The following MAP4K5 variants were observed in gnomAD, a reference collection of about 807,000 sequenced individuals.
MAP4K5 encodes mitogen-activated protein kinase kinase kinase kinase 5.
A neutral mutation model predicts 135.6 loss-of-function variants in MAP4K5; 82 were observed. The observed-to-expected ratio is 0.60, with a 90% confidence interval of 0.51 to 0.73. The LOEUF (loss-of-function observed/expected upper bound fraction) is 0.73, where lower values mean the gene tolerates loss of function less well. Ranked by LOEUF, MAP4K5 falls within the 30% of genes least tolerant of loss-of-function variation. MAP4K5 has a pLI of 0.00. For missense variants in MAP4K5, 907 were observed against 1,010.9 expected (o/e 0.90, Z 1.39); for synonymous variants, 347 against 335.0 (o/e 1.04, Z -0.39).
chr14:50,531,403 A>G (rs993721727), intron 2 of MAP4K5, among the ~76,000 whole-genome samples: 2 of 152,242 alleles, frequency 1.3e-5, no homozygotes, highest in Admixed American at 1.3e-4. Context: ...CAAACGATCA[A>G]ACTTCCACCA....
chr14:50,423,103 A>C lies in MAP4K5; in HGVS notation c.2453+18T>G. 1.5e-6 allele frequency: 2 copies of C among 1,364,726 alleles called. No homozygotes were observed. The highest frequency in any genetic ancestry group is 2.3e-5 in the East Asian group (1 of 43,354). 84.5% of individuals were successfully genotyped at this position (1,364,726 alleles called of 1,614,324 possible). A position where few individuals can be genotyped will look rare whatever the true frequency, so the allele number is the denominator to read the frequency against. On this transcript the variant is annotated intron_variant, in intron 32 of 32. Transcript: ENST00000682126. ...TTGAACTCCTTTGGTAATTAAATTA[A>C]TACAACCAAACTATTACCTGTCTGA...
In MAP4K5 at chr14:50,464,125, G is replaced by A; in HGVS notation, c.746C>T (p.Thr249Ile). ...KLKDKTKWSS[T>I]FHNFVKIALT... ...TGCTATTTTGACAAAATTATGGAAT[G>A]TTGATGACCTTAAAATAAAAAGAGA... is the stretch of plus-strand genomic sequence containing the variant. Residue 249 changes from threonine to isoleucine, a missense_variant, in exon 12 of 33, where the codon ACA becomes ATA. Thr to Ile is a moderately conservative substitution (Grantham distance 89, BLOSUM62 -1). This residue lies in a region of MAP4K5 where 690 missense variants were observed against 777.4 expected (regional missense o/e 0.89). Transcript: ENST00000682126. The A allele has an allele frequency of 6.7e-7, 1 of 1,503,210 alleles. No homozygotes were observed. The highest frequency in any genetic ancestry group is 9.1e-7 in the Non-Finnish European group (1 of 1,104,426). The allele number at this position is 1,503,210 out of a possible 1,614,324, so 93.1% of individuals were successfully genotyped here. A position where few individuals can be genotyped will look rare whatever the true frequency, so the allele number is the denominator to read the frequency against.
intron 9 of MAP4K5, among the ~76,000 whole-genome samples, chr14:50,469,871 C>G (rs2036917524): frequency 6.6e-6 from 1 of 152,056 alleles, no homozygotes; most frequent in East Asian, 1.9e-4. Flanking sequence ...ATTGAATATC[C>G]ACAAGGTACA....
In MAP4K5 at chr14:50,443,783, T is replaced by C; in HGVS notation, c.1438-13A>G. On this transcript the variant is annotated splice_polypyrimidine_tract_variant and intron_variant, in intron 19 of 32. Transcript: ENST00000682126. ...TGATGGCTGGTTTCTATGGGAAAAA[T>C]AAAATTTACTAGTGTAAGACCTCCT... 1.3e-6 allele frequency: 2 copies of C among 1,593,572 alleles called. No homozygotes were observed. The highest frequency in any genetic ancestry group is 1.7e-6 in the Non-Finnish European group (2 of 1,172,976).
At position 50,486,205 on chromosome 14, in the gene MAP4K5, A is replaced by G; in HGVS notation, c.167-11T>C. 1 of 935,032 alleles carries G rather than the reference A, an allele frequency of 1.1e-6. No homozygotes were observed. 57.9% of individuals were successfully genotyped at this position (935,032 alleles called of 1,614,324 possible). A position where few individuals can be genotyped will look rare whatever the true frequency, so the allele number is the denominator to read the frequency against. ...AAGAAAAATCATCTCCTGGAAAACAAAATAAGTTGTTTATCATGTTACTCA... is the reference window on the plus strand; with the variant it reads ...AAGAAAAATCATCTCCTGGAAAACAGAATAAGTTGTTTATCATGTTACTCA... On this transcript the variant is annotated splice_polypyrimidine_tract_variant and intron_variant, in intron 3 of 32. Coordinates refer to ENST00000682126, the MANE Select transcript of MAP4K5 (RefSeq NM_006575.6).
chr14:50,479,823 C>T (rs192321288), intron 6 of MAP4K5, among the ~76,000 whole-genome samples: 9 of 152,264 alleles, frequency 5.9e-5, no homozygotes, highest in Non-Finnish European at 1.0e-4. Flanking sequence ...CAATACTCTA[C>T]CTTAAATACT....
chr14:50,483,816 T>C (rs2037305067), intron 5 of MAP4K5, among the ~76,000 whole-genome samples: 1 of 151,104 alleles, frequency 6.6e-6, no homozygotes, highest in Non-Finnish European at 1.5e-5. Flanking sequence ...TAAAAACTTT[T>C]CACAGAAAAG....
intron 9 of MAP4K5, among the ~76,000 whole-genome samples, chr14:50,473,801 G>A (rs1326989909): frequency 7.2e-6 from 1 of 138,758 alleles, no homozygotes; most frequent in Non-Finnish European, 1.5e-5. Context: ...TCAGCTCGCT[G>A]TAAGCTCTGA....
chr14:50,442,907 A>G (rs1259732498), intron 20 of MAP4K5, 91 bp from the exon 21 acceptor site: 12 of 719,370 alleles, frequency 1.7e-5, no homozygotes, highest in Non-Finnish European at 2.5e-5. Flanking sequence ...ATACCAAATT[A>G]ACTCTTATTT....
chr14:50,497,142 A>G (rs1243260283), intron 3 of MAP4K5, among the ~76,000 whole-genome samples: 1 of 152,246 alleles, frequency 6.6e-6, no homozygotes, highest in African/African-American at 2.4e-5. Flanking sequence ...TTTTTAAATA[A>G]CTATGAAAAA....
chr14:50,500,805 A>G lies in MAP4K5; in HGVS notation c.166+3995T>C, dbSNP rs567031035. ...CAGACTGATTCTTGAGCACAAATAA[A>G]AGAGAGAAATCGAGGTTAATGCCTA... On this transcript the variant is annotated intron_variant, in intron 3 of 32. Transcript: ENST00000682126. Among the ~76,000 whole-genome samples, 29 of 152,272 alleles carry G rather than the reference A, an allele frequency of 1.9e-4. No homozygotes were observed. The South Asian group carries it at 2.3e-3, about 12-fold the overall frequency.
rs751027122 is a variant in MAP4K5, at chr14:50,443,726, T to C, written c.1479+3A>G. 71 of 1,586,254 alleles carry C rather than the reference T, an allele frequency of 4.5e-5. No individual in the cohort carries two copies. The highest frequency in any genetic ancestry group is 5.8e-5 in the Non-Finnish European group (68 of 1,172,496). On this transcript the variant is annotated splice_donor_region_variant and intron_variant, in intron 20 of 32. Transcript: ENST00000682126. ...AAATAGTTCACATAAAAATATTCCT[T>C]ACCAGAACTTTTGGGGTGGGTGGAA...
intron 9 of MAP4K5, among the ~76,000 whole-genome samples, chr14:50,473,353 T>C (rs1294358749): frequency 2.0e-5 from 3 of 152,164 alleles, no homozygotes; most frequent in African/African-American, 7.2e-5. Flanking sequence ...TCTATGCCAT[T>C]GTTTTTGCTA....
rs2035676354 is a variant in MAP4K5 at position 50,419,475 on chromosome 14, T to C, written c.*544A>G. 6.6e-6 allele frequency: 1 copy of C among 152,634 alleles called. No homozygotes were observed. The highest frequency in any genetic ancestry group is 2.1e-4 in the South Asian group (1 of 4,844). 9.5% of individuals were successfully genotyped at this position (152,634 alleles called of 1,614,324 possible). ...AAATTCTTATACATTATAAAAAAAA[T>C]TTAAGCTGCTCTGCAACCCTCCTTT... is the stretch of plus-strand genomic sequence containing the variant. On this transcript the variant is annotated 3_prime_UTR_variant, in exon 33 of 33. Transcript: ENST00000682126.
At chr14:50,447,285 G>T (rs1310773322) in intron 16 of MAP4K5, 129 bp downstream of exon 16, 2 of 592,512 alleles carry the variant, frequency 3.4e-6, no homozygotes, top group East Asian at 6.1e-5. Context: ...AAACTCAAAA[G>T]CTTTACCTTC....
At chr14:50,500,836 G>T (rs1316955741) in intron 3 of MAP4K5, among the ~76,000 whole-genome samples, 1 of 152,184 alleles carries the variant, frequency 6.6e-6, no homozygotes, top group Non-Finnish European at 1.5e-5. Flanking sequence ...GCCTACATTT[G>T]TGGATGGGTT....
intron 3 of MAP4K5, among the ~76,000 whole-genome samples, chr14:50,492,126 A>C (rs2037497401): frequency 6.6e-6 from 1 of 152,166 alleles, no homozygotes; most frequent in Non-Finnish European, 1.5e-5. Context: ...GTTCATGTTG[A>C]AATTATTAAC....
intron 2 of MAP4K5, among the ~76,000 whole-genome samples, chr14:50,529,257 C>CA (rs1203138066): frequency 1.3e-5 from 2 of 152,086 alleles, no homozygotes; most frequent in Non-Finnish European, 2.9e-5. Flanking sequence ...CATGGTGGCA[C>CA]ACACCTGTAG....
At chr14:50,424,117 G>C (rs1227535123) in intron 31 of MAP4K5, among the ~76,000 whole-genome samples, 1 of 151,272 alleles carries the variant, frequency 6.6e-6, no homozygotes, top group Admixed American at 6.6e-5. Flanking sequence ...CTTGTCTTAG[G>C]GTCTACTTTT....
Sources: allele counts gnomAD v4.1 joint callset (sites outside exome capture counted in the v4.1 genomes callset), GRCh38; gene constraint gnomAD v4.1.1; regional missense constraint gnomAD v4.1.1; transcripts MANE v1.5; gene names NCBI Gene and HGNC (gene_info 2026-07-23, HGNC 2026-07-21).